HHAT: variants seen among roughly 807,000 people sequenced by gnomAD.
HHAT encodes protein-cysteine N-palmitoyltransferase HHAT.
HHAT carries 47 observed loss-of-function variants against 70.8 expected under a neutral mutation model. The ratio of observed to expected loss-of-function variants is 0.66; its 90% CI spans 0.53 to 0.85. The LOEUF (loss-of-function observed/expected upper bound fraction) is 0.85, where lower values mean the gene tolerates loss of function less well. HHAT is among the 40% of genes least tolerant of loss of function. The pLI is 0.00. For synonymous variants in HHAT, 228 were observed against 247.6 expected (o/e 0.92, Z 0.74); for missense variants, 609 against 604.8 (o/e 1.01, Z -0.07).
chr1:210,593,579 G>A (rs940857695), intron 10 of HHAT, among the ~76,000 whole-genome samples: 5 of 152,118 alleles, frequency 3.3e-5, no homozygotes, highest in Admixed American at 6.6e-5. Flanking sequence ...GACTTATTTT[G>A]TGGCCTAACA....
At chr1:210,497,728 C>T (rs1199339742) in intron 8 of HHAT, among the ~76,000 whole-genome samples, 1 of 151,278 alleles carries the variant, frequency 6.6e-6, no homozygotes, top group Non-Finnish European at 1.5e-5. Flanking sequence ...CATTTGTTCT[C>T]GAAGAGTTGC....
At chr1:210,345,538 C>T (rs949119721) in intron 1 of HHAT, among the ~76,000 whole-genome samples, 1 of 152,150 alleles carries the variant, frequency 6.6e-6, no homozygotes, top group Non-Finnish European at 1.5e-5. Flanking sequence ...ATGATCTTAC[C>T]TGTGCTTATT....
At chr1:210,411,496 G>A (rs1030028532) in intron 6 of HHAT, among the ~76,000 whole-genome samples, 1 of 152,192 alleles carries the variant, frequency 6.6e-6, no homozygotes, top group Non-Finnish European at 1.5e-5. Flanking sequence ...ATTTACACCT[G>A]TAATCCCAGT....
chr1:210,600,605 C>A (rs767652427), intron 10 of HHAT, among the ~76,000 whole-genome samples: 7 of 152,136 alleles, frequency 4.6e-5, no homozygotes, highest in South Asian at 2.1e-4. Flanking sequence ...CTGTAGGAAG[C>A]TAACAAAAGG....
intron 10 of HHAT, among the ~76,000 whole-genome samples, chr1:210,606,342 T>G (rs1346929520): frequency 6.6e-6 from 1 of 152,224 alleles, no homozygotes; most frequent in Non-Finnish European, 1.5e-5. Flanking sequence ...ACATTTCCTT[T>G]CTTACACAAC....
intron 11 of HHAT, among the ~76,000 whole-genome samples, chr1:210,669,873 T>A (rs1679733158): frequency 6.6e-6 from 1 of 152,054 alleles, no homozygotes; most frequent in African/African-American, 2.4e-5. Context: ...AGACAGAGAA[T>A]GTGAGAGTAT....
intron 11 of HHAT, among the ~76,000 whole-genome samples, chr1:210,664,642 C>A (rs1440415023): frequency 6.6e-6 from 1 of 152,180 alleles, no homozygotes; most frequent in South Asian, 2.1e-4. Flanking sequence ...CAGTTAGGGG[C>A]TGATATTCAG....
intron 8 of HHAT, among the ~76,000 whole-genome samples, chr1:210,472,648 A>C (rs551427307): frequency 6.6e-6 from 1 of 152,198 alleles, no homozygotes; most frequent in Non-Finnish European, 1.5e-5. Flanking sequence ...AAAATATTTA[A>C]AGAGGTTTAT....
At chr1:210,590,505 T>C (rs1285722995) in intron 10 of HHAT, 1 of 113,648 alleles carries the variant, frequency 8.8e-6, no homozygotes, top group Non-Finnish European at 1.6e-5. Flanking sequence ...GGCTGAGAAA[T>C]TCAGACCCAG....
chr1:210,524,343 G>A lies in HHAT; in HGVS notation c.1043+11155G>A, dbSNP rs932961368. Among the ~76,000 whole-genome samples the A allele has an allele frequency of 7.2e-5, 11 of 152,300 alleles. No individual in the cohort carries two copies. In the East Asian group the frequency reaches 9.6e-4, roughly 13 times the overall value. On this transcript the variant is annotated intron_variant, in intron 9 of 11. Coordinates refer to ENST00000261458, the MANE Select transcript of HHAT (RefSeq NM_018194.6). ...GATGGAGGGTGCAGGTGTGAGTGCC[G>A]TGTTTGAAGGGCTGGGCAGGAAGGC...
At chr1:210,402,225 T>C (rs1343369534) in intron 5 of HHAT, among the ~76,000 whole-genome samples, 4 of 152,188 alleles carry the variant, frequency 2.6e-5, no homozygotes, top group African/African-American at 9.6e-5. Flanking sequence ...CCCTTCACTT[T>C]TGGGGCCAGT....
chr1:210,392,863 T>C (rs1213667375), intron 4 of HHAT, among the ~76,000 whole-genome samples: 1 of 152,188 alleles, frequency 6.6e-6, no homozygotes, highest in Non-Finnish European at 1.5e-5. Context: ...TGTTCCTGAT[T>C]AGATGCCCCT....
intron 7 of HHAT, among the ~76,000 whole-genome samples, chr1:210,454,274 C>A (rs1215187724): frequency 3.9e-5 from 6 of 152,136 alleles, no homozygotes; most frequent in Non-Finnish European, 8.8e-5. Flanking sequence ...CTCCCTTCGG[C>A]CGGGCACGGT....
At chr1:210,413,565 C>T (rs1331234045) in intron 6 of HHAT, among the ~76,000 whole-genome samples, 5 of 152,220 alleles carry the variant, frequency 3.3e-5, no homozygotes, top group African/African-American at 1.2e-4. Flanking sequence ...CAACACTTTG[C>T]TTAGAAATGG....
rs1426843912 is a variant in HHAT, at chr1:210,373,725, T to TG, written c.159+10808dup. 4.6e-5 allele frequency among the ~76,000 whole-genome samples: 7 copies of TG among 152,306 alleles called. No homozygotes were observed. In the East Asian group the frequency reaches 1.2e-3, roughly 25 times the overall value. ...ACACCAAGCTGATCAGTGGAATTGATGGAGTCCTTTAAGGAGCTTGCATCA... is the reference window on the plus strand; with the variant it reads ...ACACCAAGCTGATCAGTGGAATTGATGGGAGTCCTTTAAGGAGCTTGCATCA... On this transcript the variant is annotated intron_variant, in intron 3 of 11. Transcript: ENST00000261458.
chr1:210,435,307 A>T (rs990697262), intron 7 of HHAT, among the ~76,000 whole-genome samples: 5 of 151,930 alleles, frequency 3.3e-5, no homozygotes, highest in Admixed American at 6.5e-5. Flanking sequence ...ACAGAATTTC[A>T]TTCTTTTTTA....
chr1:210,437,526 G>A (rs1167957636), intron 7 of HHAT, among the ~76,000 whole-genome samples: 1 of 151,816 alleles, frequency 6.6e-6, no homozygotes, highest in Non-Finnish European at 1.5e-5. Context: ...TGTGCTAGTA[G>A]CCAGGTTAAT....
intron 7 of HHAT, among the ~76,000 whole-genome samples, chr1:210,426,240 T>G (rs1256960173): frequency 6.6e-6 from 1 of 152,222 alleles, no homozygotes; most frequent in Non-Finnish European, 1.5e-5. Context: ...ATGAAGCTTT[T>G]GGGCTGAGAC....
chr1:210,519,681 C>G (rs1166145770), intron 9 of HHAT, among the ~76,000 whole-genome samples: 1 of 116,180 alleles, frequency 8.6e-6, no homozygotes, highest in African/African-American at 2.7e-5. Context: ...CATATACCAC[C>G]ATGCCCAGCA....
Sources: gnomAD v4.1 joint callset for allele counts (sites outside exome capture counted in the v4.1 genomes callset) on GRCh38, gnomAD v4.1.1 for gene constraint, MANE v1.5 for transcripts, NCBI Gene and HGNC (gene_info 2026-07-23, HGNC 2026-07-21) for gene names.